The following RAB28 variants were observed in gnomAD, a reference collection of about 807,000 sequenced individuals.
RAB28 encodes the protein ras-related protein Rab-28.
Under a neutral mutation model 31.7 loss-of-function variants are expected in RAB28, and 24 were observed. That is an observed-to-expected ratio of 0.76 (90% CI 0.55 to 1.06). RAB28 has a LOEUF of 1.06. Ranked by LOEUF, RAB28 falls within the 50% of genes least tolerant of loss-of-function variation. The pLI, the probability that RAB28 is intolerant of heterozygous loss-of-function variation, is 0.00. For synonymous variants in RAB28, 100 were observed against 90.4 expected (o/e 1.11, Z -0.60); for missense variants, 254 against 258.5 (o/e 0.98, Z 0.12).
chr4:13,439,650 G>C (rs1714311804), intron 4 of RAB28, among the ~76,000 whole-genome samples: 1 of 152,184 alleles, frequency 6.6e-6, no homozygotes, highest in Admixed American at 6.5e-5. Context: ...CCAAGGTCAT[G>C]TTAACTTATA....
At chr4:13,473,967 CTG>C (rs756213272) in intron 3 of RAB28, 2 of 368,508 alleles carry the variant, frequency 5.4e-6, no homozygotes, top group Non-Finnish European at 1.0e-5. Flanking sequence ...ATTTTCATCC[CTG>C]TGTTTTTCAT....
intron 4 of RAB28, among the ~76,000 whole-genome samples, chr4:13,392,397 C>T (rs1383683385): frequency 1.6e-4 from 25 of 152,112 alleles, no homozygotes; most frequent in Admixed American, 1.6e-3. Context: ...TATTATTTTA[C>T]CAATCCAGAG....
chr4:13,413,985 G>A (rs1360409695), intron 4 of RAB28, among the ~76,000 whole-genome samples: 7 of 152,112 alleles, frequency 4.6e-5, no homozygotes, highest in Non-Finnish European at 7.4e-5. Flanking sequence ...ACAAATATGA[G>A]CATATGACAA....
intron 4 of RAB28, among the ~76,000 whole-genome samples, chr4:13,454,181 C>G (rs1224511476): frequency 6.6e-6 from 1 of 152,060 alleles, no homozygotes; most frequent in Admixed American, 6.5e-5. Flanking sequence ...TCTAAGATTT[C>G]TGATTGGTTA....
At chr4:13,464,865 A>G (rs891181429) in intron 3 of RAB28, among the ~76,000 whole-genome samples, 1 of 152,248 alleles carries the variant, frequency 6.6e-6, no homozygotes, top group East Asian at 1.9e-4. Context: ...TTTTGTAATT[A>G]CTAGACAGGC....
intron 4 of RAB28, among the ~76,000 whole-genome samples, chr4:13,427,914 C>T (rs1239798200): frequency 1.3e-5 from 2 of 152,160 alleles, no homozygotes; most frequent in African/African-American, 2.4e-5. Flanking sequence ...CGGCTGGGAG[C>T]TTCGGCAAGA....
chr4:13,380,072 T>C (rs536215928), intron 5 of RAB28, among the ~76,000 whole-genome samples: 1 of 152,200 alleles, frequency 6.6e-6, no homozygotes, highest in South Asian at 2.1e-4. Context: ...GAAGATTAAG[T>C]GAGGGTAGAA....
chr4:13,422,327 G>T (rs989142973), intron 4 of RAB28, among the ~76,000 whole-genome samples: 1 of 152,180 alleles, frequency 6.6e-6, no homozygotes, highest in African/African-American at 2.4e-5. Context: ...AACCATTGTG[G>T]AAGACAGTGT....
At chr4:13,375,968 T>G (rs1001532752) in intron 6 of RAB28, among the ~76,000 whole-genome samples, 1 of 152,182 alleles carries the variant, frequency 6.6e-6, no homozygotes, top group Non-Finnish European at 1.5e-5. Context: ...AAACCACTTC[T>G]GAAGCATAAC....
intron 4 of RAB28, among the ~76,000 whole-genome samples, chr4:13,419,169 G>C (rs140348978): frequency 0.014 from 2,093 of 152,112 alleles, 24 homozygotes; most frequent in Middle Eastern, 0.044. Flanking sequence ...TTACATAATG[G>C]TAAAGGGATC....
At chr4:13,387,842 C>A (rs1729444740) in intron 4 of RAB28, among the ~76,000 whole-genome samples, 1 of 151,994 alleles carries the variant, frequency 6.6e-6, no homozygotes, top group African/African-American at 2.4e-5. Context: ...GAATGCCAGA[C>A]AAAGTATATG....
intron 4 of RAB28, among the ~76,000 whole-genome samples, chr4:13,408,941 G>A (rs192550785): frequency 2.9e-3 from 444 of 152,182 alleles, no homozygotes; most frequent in Middle Eastern, 6.8e-3. Context: ...TAATTAAAAA[G>A]CATATCAATG....
chr4:13,418,761 A>G (rs183613620), intron 4 of RAB28, among the ~76,000 whole-genome samples: 9 of 152,336 alleles, frequency 5.9e-5, no homozygotes, highest in Admixed American at 3.9e-4. Flanking sequence ...AGCACTAAAC[A>G]TGGAAAGGAG....
intron 4 of RAB28, among the ~76,000 whole-genome samples, chr4:13,397,327 G>A (rs756700441): frequency 2.6e-5 from 4 of 152,066 alleles, no homozygotes; most frequent in Non-Finnish European, 4.4e-5. Flanking sequence ...AAAAGATCAA[G>A]ACTATGGATA....
chr4:13,424,454 A>G (rs1043620353), intron 4 of RAB28, among the ~76,000 whole-genome samples: 12 of 152,140 alleles, frequency 7.9e-5, no homozygotes, highest in Admixed American at 3.9e-4. Context: ...TCTTCTCGTA[A>G]GTCATTGGAT....
rs772157574 is a variant in RAB28, at chr4:13,376,565, CTTTG to C, written c.549_552del (p.Asn183LysfsTer4). 7 of 1,602,590 alleles carry C rather than the reference CTTTG, an allele frequency of 4.4e-6. No homozygotes were observed. The African/African-American group carries it at 6.7e-5, about 15-fold the overall frequency. On this transcript the variant is annotated frameshift_variant, in exon 6 of 7. Coordinates refer to ENST00000330852, the MANE Select transcript of RAB28 (RefSeq NM_001017979.3). LOFTEE classifies it high-confidence loss of function. ...ATCACCTGTGACTGTTCTATTTCTG[CTTTG>C]TTTAATTTGATCCCAAGGATTTCAG...
At position 13,368,630 on chromosome 4, in the gene RAB28, A is replaced by C. The variant is rs183586599; in HGVS notation, c.594T>G (p.Ile198Met). 124 of 1,612,166 alleles carry C rather than the reference A, an allele frequency of 7.7e-5. No homozygotes were observed. In the Middle Eastern group the frequency reaches 1.8e-3, roughly 24 times the overall value. The change falls in exon 7 of 7, where the codon ATT becomes ATG. Residue 198 changes from isoleucine (I) to methionine (M), a missense_variant. Physicochemically the swap from Ile to Met is conservative, Grantham distance 10. Transcript: ENST00000330852. ...EQSQRVVKADIVNYNQEPMSR... is the reference protein window; with the variant it reads ...EQSQRVVKADMVNYNQEPMSR... ...ACATAGGTTCCTGGTTGTAGTTTACAATATCTGCCTTCACCACCCTCTGTC... is the reference window on the plus strand; with the variant it reads ...ACATAGGTTCCTGGTTGTAGTTTACCATATCTGCCTTCACCACCCTCTGTC...
intron 4 of RAB28, among the ~76,000 whole-genome samples, chr4:13,409,022 T>C (rs1002220457): frequency 1.3e-5 from 2 of 152,234 alleles, no homozygotes; most frequent in South Asian, 4.1e-4. Context: ...TAAAATTTAA[T>C]ATTTTGGGAC....
rs188736432 is a variant in RAB28 at position 13,456,525 on chromosome 4, A to C, written c.391+4174T>G. On this transcript the variant is annotated intron_variant, in intron 4 of 6. Transcript: ENST00000330852. The stretch of plus-strand genomic sequence containing the variant: ...ATTACCCTGATTTCCAGATGCAGGA[A>C]ACTGAGGCATAAAAACGTAAAGTAA... Among the ~76,000 whole-genome samples the C allele has an allele frequency of 7.0e-3, 1,061 of 152,320 alleles. 13 individuals carry two copies. The highest frequency in any genetic ancestry group is 0.024 in the African/African-American group (1,006 of 41,564).
Sources: gnomAD v4.1 joint callset for allele counts (sites outside exome capture counted in the v4.1 genomes callset) on GRCh38, gnomAD v4.1.1 for gene constraint, MANE v1.5 for transcripts, NCBI Gene and HGNC (gene_info 2026-07-23, HGNC 2026-07-21) for gene names.